Variants in ZNF469 observed in about 807,000 individuals in gnomAD.
ZNF469 encodes the protein zinc finger protein 469.
In ZNF469, 1 loss-of-function variant was observed where a neutral mutation model predicts 1.0. The ratio of observed to expected loss-of-function variants is 1.00; its 90% CI spans 0.35 to 4.73. The LOEUF is 4.73. Among genes scored for constraint, ZNF469 ranks in the 30% most tolerant of loss-of-function variants. ZNF469 has a pLI of 0.16. For missense variants in ZNF469, 6,100 were observed against 5,356.3 expected (o/e 1.14, Z -4.33); for synonymous variants, 2,703 against 2,363.4 (o/e 1.14, Z -4.17).
chr16:88,305,995 C>T, the ZNF469 span, among the ~76,000 whole-genome samples: 1 of 152,198 alleles, frequency 6.6e-6, no homozygotes. Flanking sequence ...TGTACACATC[C>T]CCACACCCCA....
At chr16:88,311,438 C>T in the ZNF469 span, among the ~76,000 whole-genome samples, 1 of 152,146 alleles carries the variant, frequency 6.6e-6, no homozygotes, top group African/African-American at 2.4e-5. Context: ...CATAAGAAAG[C>T]CCATGACTGT....
the ZNF469 span, among the ~76,000 whole-genome samples, chr16:88,215,701 T>A: frequency 6.6e-6 from 1 of 152,044 alleles, no homozygotes; most frequent in South Asian, 2.1e-4. Flanking sequence ...GCCTTTTTTT[T>A]TAAATCAATA....
At chr16:88,394,338 C>G (rs1376597103) in intron 1 of ZNF469, among the ~76,000 whole-genome samples, 1 of 151,702 alleles carries the variant, frequency 6.6e-6, no homozygotes, top group Admixed American at 6.6e-5. Context: ...TTGAGCCACA[C>G]TCAAGTTTCA....
chr16:88,295,856 A>G, the ZNF469 span, among the ~76,000 whole-genome samples: 1 of 151,994 alleles, frequency 6.6e-6, no homozygotes, highest in Non-Finnish European at 1.5e-5. Flanking sequence ...CACTCTCATC[A>G]ACACAGATAA....
the ZNF469 span, among the ~76,000 whole-genome samples, chr16:88,247,479 AATGAG>A: frequency 6.6e-6 from 1 of 151,704 alleles, no homozygotes; most frequent in African/African-American, 2.4e-5. Context: ...TGAGTGAGTG[AATGAG>A]TGAATGAATC....
the ZNF469 span, among the ~76,000 whole-genome samples, chr16:88,356,644 G>A: frequency 1.3e-5 from 2 of 152,154 alleles, no homozygotes; most frequent in African/African-American, 4.8e-5. Context: ...GGTCCTCCAA[G>A]GCCATGTCAG....
the ZNF469 span, among the ~76,000 whole-genome samples, chr16:88,276,207 G>A: frequency 6.6e-6 from 1 of 152,216 alleles, no homozygotes; most frequent in East Asian, 1.9e-4. Context: ...CAGAAAGCTG[G>A]ATGGGCAGGT....
Position 88,434,626 on chromosome 16 carries a change from G to T in ZNF469, c.7156G>T (p.Gly2386Trp), listed in dbSNP as rs12598474. Residue 2386 changes from glycine (G) to tryptophan (W), a missense_variant, in exon 3 of 3, where the codon GGG becomes TGG. Coordinates refer to ENST00000565624, the MANE Select transcript of ZNF469 (RefSeq NM_001367624.2). The part of the protein sequence containing the change: ...EPEDPGTPET[G>W]RSGATKMPRV... ...GGAGGACCCAGGGACCCCTGAGACC[G>T]GGCGCTCTGGTGCTACCAAGATGCC... is the stretch of plus-strand genomic sequence containing the variant. The T allele has an allele frequency of 2.6e-6, 4 of 1,550,066 alleles. No homozygotes were observed. Among genetic ancestry groups the T allele is most frequent in the Non-Finnish European group, 2.6e-6 (3 of 1,146,912 alleles).
chr16:88,284,688 G>C, the ZNF469 span, among the ~76,000 whole-genome samples: 1 of 152,096 alleles, frequency 6.6e-6, no homozygotes, highest in African/African-American at 2.4e-5. Flanking sequence ...TCTGCAGGGT[G>C]GGTCCTCCCA....
At chr16:88,297,867 A>T in the ZNF469 span, among the ~76,000 whole-genome samples, 1 of 152,080 alleles carries the variant, frequency 6.6e-6, no homozygotes, top group African/African-American at 2.4e-5. Context: ...AGGGTACATT[A>T]TTGAGGGCAC....
chr16:88,297,781 C>T, the ZNF469 span, among the ~76,000 whole-genome samples: 699 of 152,298 alleles, frequency 4.6e-3, 3 homozygotes, highest in African/African-American at 0.016. Context: ...TCTCCAGAAC[C>T]TTCACTTAGT....
At chr16:88,216,301 C>G in the ZNF469 span, among the ~76,000 whole-genome samples, 1 of 152,112 alleles carries the variant, frequency 6.6e-6, no homozygotes, top group Non-Finnish European at 1.5e-5. Context: ...CGAGAACATC[C>G]TGGCTAACAC....
the ZNF469 span, among the ~76,000 whole-genome samples, chr16:88,328,194 T>TGC: frequency 6.6e-6 from 1 of 152,216 alleles, no homozygotes; most frequent in African/African-American, 2.4e-5. Context: ...ACGCACGCTA[T>TGC]GTCATGGGCC....
At chr16:88,256,898 CTTT>C in the ZNF469 span, among the ~76,000 whole-genome samples, 1 of 23,096 alleles carries the variant, frequency 4.3e-5, no homozygotes, top group Admixed American at 4.1e-4. Context: ...TTCTTTCCTT[CTTT>C]CTTTCTTTCT....
chr16:88,344,900 G>C, the ZNF469 span, among the ~76,000 whole-genome samples: 2 of 152,184 alleles, frequency 1.3e-5, no homozygotes, highest in African/African-American at 2.4e-5. Context: ...TCCATCACCC[G>C]GCCTCTGGGA....
At chr16:88,169,554 C>A in the ZNF469 span, among the ~76,000 whole-genome samples, 2 of 152,212 alleles carry the variant, frequency 1.3e-5, no homozygotes, top group Non-Finnish European at 2.9e-5. This position sits in a 1 kb window ranked among gnomAD's most constrained non-coding sequence, Gnocchi z 6.1. Flanking sequence ...CCTTCTTAGT[C>A]CTGAGCTGAG....
At chr16:88,416,848 G>T (rs1597200126) in intron 1 of ZNF469, among the ~76,000 whole-genome samples, 2 of 152,172 alleles carry the variant, frequency 1.3e-5, no homozygotes, top group African/African-American at 4.8e-5. Context: ...CGCTCCCCGG[G>T]AGGGGTACCC....
the ZNF469 span, among the ~76,000 whole-genome samples, chr16:88,126,662 T>C: frequency 6.7e-5 from 10 of 148,226 alleles, no homozygotes; most frequent in African/African-American, 2.5e-4. Context: ...TTTTGTTTTT[T>C]GTTTTTTTTG....
intron 1 of ZNF469, among the ~76,000 whole-genome samples, chr16:88,422,853 GGAT>G (rs373593077): frequency 1.0e-4 from 15 of 147,952 alleles, no homozygotes; most frequent in Admixed American, 2.0e-4. Context: ...ATGGATGGAT[GGAT>G]GATGATGATG....
Sources: gnomAD v4.1 joint callset for allele counts (sites outside exome capture counted in the v4.1 genomes callset) on GRCh38, gnomAD v4.1.1 for gene constraint, Gnocchi (gnomAD v3.1) non-coding constraint, MANE v1.5 for transcripts, NCBI Gene and HGNC (gene_info 2026-07-23, HGNC 2026-07-21) for gene names.